TSHZ1: variants seen among roughly 807,000 people sequenced by gnomAD.
TSHZ1 encodes the protein teashirt zinc finger homeobox 1.
A neutral mutation model predicts 67.1 loss-of-function variants in TSHZ1; 12 were observed. That is an observed-to-expected ratio of 0.18 (90% CI 0.11 to 0.29). TSHZ1 has a LOEUF of 0.29. TSHZ1 is among the 10% of genes least tolerant of loss of function. TSHZ1 has a pLI of 1.00. For synonymous variants in TSHZ1, 632 were observed against 622.4 expected (o/e 1.02, Z -0.23); for missense variants, 1,305 against 1,413.9 (o/e 0.92, Z 1.23).
intron 1 of TSHZ1, among the ~76,000 whole-genome samples, chr18:75,265,911 T>C (rs1034938608): frequency 1.3e-5 from 2 of 152,228 alleles, no homozygotes; most frequent in Non-Finnish European, 2.9e-5. Flanking sequence ...TACACCGTCT[T>C]TTTTCTTGTC....
At position 75,211,883 on chromosome 18, in the gene TSHZ1, A is replaced by G; in HGVS notation, c.7A>G (p.Arg3Gly). Residue 3 changes from arginine (R) to glycine (G), a missense_variant, in exon 1 of 2, where the codon AGG (arginine) becomes GGG (glycine). Arg to Gly is a moderately radical substitution (Grantham distance 125). Transcript: ENST00000580243. ...GCTGCGGCGGCCGAGCAGCATGCCG[A>G]GGAGGAAGCAGCAGGCCCCCCGGCG... MP[R>G]RKQQAPRRSA... 1 of 1,193,026 alleles carries G rather than the reference A, an allele frequency of 8.4e-7. No homozygotes were observed. Among genetic ancestry groups the G allele is most frequent in the South Asian group, 4.2e-5 (1 of 23,988 alleles). The allele number at this position is 1,193,026 out of a possible 1,614,324, so 73.9% of individuals were successfully genotyped here. A position where few individuals can be genotyped will look rare whatever the true frequency, so the allele number is the denominator to read the frequency against.
At position 75,288,685 on chromosome 18, in the gene TSHZ1, G is replaced by A. The variant is rs763682362; in HGVS notation, c.*44G>A. The A allele has an allele frequency of 6.5e-6, 10 of 1,531,826 alleles. No homozygotes were observed. The Admixed American group carries it at 1.0e-4, about 16-fold the overall frequency. The allele number at this position is 1,531,826 out of a possible 1,614,324, so 94.9% of individuals were successfully genotyped here. ...ACCGCGGAACATTGCACTAAACGTC[G>A]TCGAGCTGCACTAGGCCTGGCCTGA... On this transcript the variant is annotated 3_prime_UTR_variant, in exon 2 of 2. Transcript: ENST00000580243. This position sits in a 1 kb window ranked among gnomAD's most constrained non-coding sequence, Gnocchi z 4.9.
chr18:75,219,819 T>C (rs1019649659), intron 1 of TSHZ1, among the ~76,000 whole-genome samples: 1 of 152,268 alleles, frequency 6.6e-6, no homozygotes, highest in Non-Finnish European at 1.5e-5. Context: ...TGTGTGTAAG[T>C]GTACTTTGTA....
chr18:75,261,900 C>T (rs1042561036), intron 1 of TSHZ1, among the ~76,000 whole-genome samples: 1 of 152,180 alleles, frequency 6.6e-6, no homozygotes, highest in Non-Finnish European at 1.5e-5. Flanking sequence ...ACTCATATGG[C>T]GTTTGGCCAT....
intron 1 of TSHZ1, among the ~76,000 whole-genome samples, chr18:75,230,949 T>C (rs1216517994): frequency 6.6e-6 from 1 of 152,226 alleles, no homozygotes; most frequent in Non-Finnish European, 1.5e-5. Context: ...TGATTTATAA[T>C]ATTTAAATAA....
At chr18:75,249,974 G>C (rs369441130) in intron 1 of TSHZ1, among the ~76,000 whole-genome samples, 1 of 149,736 alleles carries the variant, frequency 6.7e-6, no homozygotes, top group East Asian at 2.0e-4. Flanking sequence ...CCTCCAGTTG[G>C]TGGGGGGCGC....
Position 75,288,269 on chromosome 18 carries a change from A to G in TSHZ1, c.2862A>G (p.Thr954=), listed in dbSNP as rs1489773041. ...LANVKYQLRR[T]GGTKFLKNLD... is the part of the protein sequence containing the mutation. ...ATGTGAAGTACCAGTTGAGGAGGAC[A>G]GGGGGAACGAAATTCCTAAAGAACC... Residue 954 remains threonine, a synonymous_variant, in exon 2 of 2, where the codon ACA becomes ACG. Transcript: ENST00000580243. The surrounding 1 kb of genome is among the most constrained non-coding windows in gnomAD (Gnocchi z 4.9). 8 of 1,614,094 alleles carry G rather than the reference A, an allele frequency of 5.0e-6. No homozygotes were observed. Among genetic ancestry groups the G allele is most frequent in the African/African-American group, 1.3e-5 (1 of 74,934 alleles).
At chr18:75,225,325 A>G (rs1172233101) in intron 1 of TSHZ1, among the ~76,000 whole-genome samples, 3 of 152,222 alleles carry the variant, frequency 2.0e-5, no homozygotes, top group African/African-American at 7.2e-5. Context: ...GAATTCAGCA[A>G]TTTCTTGAAC....
chr18:75,285,649 G>C lies in TSHZ1; in HGVS notation c.242G>C (p.Ser81Thr). ...GGCTACGGGTCGCCCTTCAGTGAGAGCAGCGACCAGCTAGCCCATTTCAAA... is the reference window on the plus strand; with the variant it reads ...GGCTACGGGTCGCCCTTCAGTGAGACCAGCGACCAGCTAGCCCATTTCAAA... Reference protein sequence around the residue: ...DAGYGSPFSESSDQLAHFKGS... With the variant: ...DAGYGSPFSETSDQLAHFKGS... The change falls in exon 2 of 2, where the codon AGC becomes ACC. Residue 81 changes from serine (S) to threonine (T), a missense_variant. By Grantham distance (58) the Ser-to-Thr change is moderately conservative. Around this residue, in one of 3 missense-constraint regions of TSHZ1, gnomAD observed 358 missense variants for 375.6 expected, o/e 0.95. Coordinates refer to ENST00000580243, the MANE Select transcript of TSHZ1 (RefSeq NM_001308210.2). 6.2e-7 allele frequency: 1 copy of C among 1,613,950 alleles called. No individual in the cohort carries two copies. The highest frequency in any genetic ancestry group is 8.5e-7 in the Non-Finnish European group (1 of 1,179,978).
At chr18:75,245,013 A>C (rs116595195) in intron 1 of TSHZ1, among the ~76,000 whole-genome samples, 5,321 of 151,936 alleles carry the variant, frequency 0.035, 154 homozygotes, top group African/African-American at 0.08. Flanking sequence ...GCCCACATGC[A>C]CCATCTTTCT....
chr18:75,265,423 C>T lies in TSHZ1; in HGVS notation c.41-20025C>T, dbSNP rs888063225. On this transcript the variant is annotated intron_variant, in intron 1 of 1. Coordinates refer to ENST00000580243, the MANE Select transcript of TSHZ1 (RefSeq NM_001308210.2). ...TTTTAGCAACCCATTATCATAATTT[C>T]ACTGTCGTATGGCCGCTGAGTTAAT... Among the ~76,000 whole-genome samples the T allele has an allele frequency of 7.9e-5, 12 of 152,308 alleles. No individual in the cohort carries two copies. The East Asian group carries it at 1.5e-3, about 20-fold the overall frequency.
chr18:75,224,196 G>A lies in TSHZ1; in HGVS notation c.40+12280G>A, dbSNP rs142214458. 7.3e-5 allele frequency among the ~76,000 whole-genome samples: 11 copies of A among 151,666 alleles called. No individual in the cohort carries two copies. The East Asian group carries it at 1.4e-3, about 19-fold the overall frequency. On this transcript the variant is annotated intron_variant, in intron 1 of 1. Coordinates refer to ENST00000580243, the MANE Select transcript of TSHZ1 (RefSeq NM_001308210.2). ...ACCTAATAGATGTTTTACACACTAC[G>A]GTGCTTGTGCATTATTAAAAGAGAC...
intron 1 of TSHZ1, among the ~76,000 whole-genome samples, chr18:75,225,782 G>A (rs1303231900): frequency 6.6e-6 from 1 of 152,116 alleles, no homozygotes; most frequent in Non-Finnish European, 1.5e-5. Context: ...ATGAAGAATA[G>A]CGATACCTCA....
At chr18:75,263,875 G>T (rs568025429) in intron 1 of TSHZ1, among the ~76,000 whole-genome samples, 4 of 152,196 alleles carry the variant, frequency 2.6e-5, no homozygotes, top group African/African-American at 4.8e-5. Flanking sequence ...AGAAGCAACT[G>T]TTGATTTATA....
chr18:75,233,382 G>C (rs2023024846), intron 1 of TSHZ1, among the ~76,000 whole-genome samples: 1 of 152,130 alleles, frequency 6.6e-6, no homozygotes, highest in African/African-American at 2.4e-5. Context: ...AACGTTCCAG[G>C]ATGTTTCTGC....
chr18:75,237,791 C>CTTTTACTTATTT (rs150217532), intron 1 of TSHZ1, among the ~76,000 whole-genome samples: 2 of 143,500 alleles, frequency 1.4e-5, no homozygotes, highest in African/African-American at 5.5e-5. Context: ...TTCTTTCTTT[C>CTTTTACTTATTT]ATTTATTTAT....
rs570279479 is a variant in TSHZ1, at chr18:75,289,827, C to T, written c.*1186C>T. ...ACATAAAAACAAAGCAAGCAATGCA[C>T]TATTAATTATACATTTTGATGTTCT... On this transcript the variant is annotated 3_prime_UTR_variant, in exon 2 of 2. Coordinates refer to ENST00000580243, the MANE Select transcript of TSHZ1 (RefSeq NM_001308210.2). 1 of 167,190 alleles carries T rather than the reference C, an allele frequency of 6.0e-6. No individual in the cohort carries two copies. The highest frequency in any genetic ancestry group is 2.1e-4 in the South Asian group (1 of 4,828). The allele number at this position is 167,190 out of a possible 1,614,324, so 10.4% of individuals were successfully genotyped here. A position where few individuals can be genotyped will look rare whatever the true frequency, so the allele number is the denominator to read the frequency against.
chr18:75,231,063 G>A (rs1055479339), intron 1 of TSHZ1, among the ~76,000 whole-genome samples: 2 of 152,164 alleles, frequency 1.3e-5, no homozygotes, highest in Admixed American at 1.3e-4. Flanking sequence ...GTGTTTTTGG[G>A]TTGGCTGTGG....
In TSHZ1 at chr18:75,211,545, G is replaced by A. The variant is rs1332467967; in HGVS notation, c.-332G>A. 1.4e-5 allele frequency: 2 copies of A among 144,322 alleles called. No individual in the cohort carries two copies. The highest frequency in any genetic ancestry group is 2.5e-5 in the African/African-American group (1 of 40,240). The allele number at this position is 144,322 out of a possible 1,614,324, so 8.9% of individuals were successfully genotyped here. On this transcript the variant is annotated 5_prime_UTR_variant, in exon 1 of 2. Transcript: ENST00000580243. ...GAGGCGGCAGCATGGAGCGCGGGCC[G>A]CGGGCCGGCCCGCCGAGCGCCCGCT...
Sources: gnomAD v4.1 joint callset for allele counts (sites outside exome capture counted in the v4.1 genomes callset) on GRCh38, gnomAD v4.1.1 for gene constraint, gnomAD v4.1.1 regional missense constraint, Gnocchi (gnomAD v3.1) non-coding constraint, MANE v1.5 for transcripts, NCBI Gene and HGNC (gene_info 2026-07-23, HGNC 2026-07-21) for gene names.